Variants in RUVBL2 observed in about 807,000 individuals in gnomAD.
RUVBL2 encodes RuvB like AAA ATPase 2.
A neutral mutation model predicts 57.9 loss-of-function variants in RUVBL2; 9 were observed. The observed-to-expected ratio is 0.16, with a 90% CI of 0.09 to 0.27. The LOEUF is 0.27. Among genes scored for constraint, RUVBL2 ranks in the 10% least tolerant of loss-of-function variants. The probability of loss-of-function intolerance (pLI) is 1.00; values close to 1 mark genes in which losing one functional copy is unlikely to be tolerated. For missense variants in RUVBL2, 456 were observed against 669.6 expected, an observed-to-expected ratio of 0.68 and a Z score of 3.52; for synonymous variants, 278 against 264.6, an observed-to-expected ratio of 1.05 and a Z score of -0.49.
chr19:48,995,998 A>AAAAAG (rs1219154119), intron 1 of RUVBL2, among the ~76,000 whole-genome samples: 1 of 148,024 alleles, frequency 6.8e-6, no homozygotes, highest in Non-Finnish European at 1.5e-5. Flanking sequence ...AAAAAAAAAA[A>AAAAAG]AAAAGAAAAG....
intron 12 of RUVBL2, 137 bp from the exon 13 acceptor site, chr19:49,014,884 C>T (rs996780559): frequency 7.7e-7 from 1 of 1,292,428 alleles, no homozygotes; most frequent in Admixed American, 2.4e-5. Context: ...GCTCTTCTAG[C>T]CTCAGCATTC....
intron 4 of RUVBL2, among the ~76,000 whole-genome samples, 173 bp downstream of exon 4, chr19:49,004,591 T>C (rs1016200664): frequency 1.3e-5 from 2 of 152,168 alleles, no homozygotes; most frequent in African/African-American, 4.8e-5. Context: ...ATTTGGGGCT[T>C]ATTAAGCAGT....
intron 6 of RUVBL2, 22 bp from the exon 7 acceptor site, chr19:49,009,754 C>A: frequency 6.2e-7 from 1 of 1,606,380 alleles, no homozygotes; most frequent in Non-Finnish European, 8.5e-7. Context: ...GAGCCCCATC[C>A]CTGGCTTGTC....
At chr19:48,996,445 C>T (rs1326029919) in intron 1 of RUVBL2, among the ~76,000 whole-genome samples, 2 of 151,530 alleles carry the variant, frequency 1.3e-5, no homozygotes, top group African/African-American at 2.4e-5. Flanking sequence ...CCTGCCTCAG[C>T]CTCCTGAGTA....
intron 9 of RUVBL2, 39 bp downstream of exon 9, chr19:49,010,650 C>T (rs946198149): frequency 1.2e-6 from 2 of 1,608,166 alleles, no homozygotes; most frequent in South Asian, 1.1e-5. Context: ...TGCCCTGCCC[C>T]AGGCCTAGCA....
intron 4 of RUVBL2, among the ~76,000 whole-genome samples, chr19:49,004,946 A>G (rs1022507680): frequency 1.5e-4 from 23 of 151,906 alleles, no homozygotes; most frequent in African/African-American, 5.5e-4. Context: ...TCTGTTGGGC[A>G]AAAGGTTGTT....
chr19:49,009,710 C>A (rs1241796133), intron 6 of RUVBL2, 66 bp from the exon 7 acceptor site: 6 of 1,371,024 alleles, frequency 4.4e-6, no homozygotes, highest in Non-Finnish European at 5.2e-6. Context: ...CTTATCAACA[C>A]TGGGGGCACT....
chr19:49,014,163 G>A lies in RUVBL2; in HGVS notation c.1002-321G>A, dbSNP rs1303187039. Among the ~76,000 whole-genome samples, 6 of 152,214 alleles carry A rather than the reference G, an allele frequency of 3.9e-5. No individual in the cohort carries two copies. The East Asian group carries it at 7.7e-4, about 20-fold the overall frequency. The stretch of plus-strand genomic sequence containing the variant: ...GCCCTGGGCTGGCCCCGCTGCAGCA[G>A]GGAACAAGACAGGTGCAGTCCCCTC... On this transcript the variant is annotated intron_variant, in intron 11 of 14. Transcript: ENST00000595090.
At chr19:49,012,223 G>T (rs1350461699) in intron 11 of RUVBL2, among the ~76,000 whole-genome samples, 1 of 152,160 alleles carries the variant, frequency 6.6e-6, no homozygotes, top group Non-Finnish European at 1.5e-5. Flanking sequence ...ATCACAAAAG[G>T]GAAGAAGCGG....
chr19:48,993,769 A>C (rs1001221409), upstream of RUVBL2: 33 of 1,107,070 alleles, frequency 3.0e-5, no homozygotes, highest in African/African-American at 4.8e-4. Flanking sequence ...CGGGGCATAA[A>C]GTCCCGCCAC....
rs1306756894 is a variant in RUVBL2 at position 49,003,236 on chromosome 19, A to G, written c.68-43A>G. On this transcript the variant is annotated intron_variant, in intron 2 of 14. Transcript: ENST00000595090. ...AGAGGGGTCAGGCCACATGTGCAGC[A>G]AGCTGGCTAGTAACTGAGTCTTTGT... 2.0e-6 allele frequency: 3 copies of G among 1,533,000 alleles called. No individual in the cohort carries two copies. The Admixed American group carries it at 5.2e-5, about 27-fold the overall frequency. The allele number at this position is 1,533,000 out of a possible 1,614,324, so 95.0% of individuals were successfully genotyped here. A position where few individuals can be genotyped will look rare whatever the true frequency, so the allele number is the denominator to read the frequency against.
At chr19:49,013,480 T>A (rs1378801669) in intron 11 of RUVBL2, among the ~76,000 whole-genome samples, 2 of 152,072 alleles carry the variant, frequency 1.3e-5, no homozygotes, top group African/African-American at 2.4e-5. Flanking sequence ...GTATCCTAAG[T>A]GCAAGGAGGC....
intron 1 of RUVBL2, among the ~76,000 whole-genome samples, chr19:48,995,936 G>A (rs1184154635): frequency 2.0e-5 from 3 of 150,392 alleles, no homozygotes; most frequent in Non-Finnish European, 3.0e-5. Flanking sequence ...GCAGTGAGCC[G>A]AGATCGCGCC....
intron 13 of RUVBL2, chr19:49,015,353 T>A: frequency 1.4e-6 from 1 of 723,928 alleles, no homozygotes; most frequent in Non-Finnish European, 2.3e-6. Context: ...TAGATGCTGT[T>A]AGGTCCACCT....
chr19:49,002,960 T>C (rs2039213564), intron 2 of RUVBL2, among the ~76,000 whole-genome samples: 1 of 152,190 alleles, frequency 6.6e-6, no homozygotes, highest in Non-Finnish European at 1.5e-5. Context: ...ACCATAAACA[T>C]GAAGTAATTG....
chr19:48,997,161 A>G (rs892631558), intron 1 of RUVBL2, among the ~76,000 whole-genome samples: 1 of 152,032 alleles, frequency 6.6e-6, no homozygotes, highest in Non-Finnish European at 1.5e-5. Flanking sequence ...TAATCCTTCC[A>G]TACCTCCCAT....
chr19:48,993,559 G>A, upstream of RUVBL2: 3 of 468,194 alleles, frequency 6.4e-6, no homozygotes, highest in East Asian at 4.1e-5. Flanking sequence ...AGGCCTCAAA[G>A]TGGGGAGGAG....
At chr19:49,010,635 TG>T in intron 9 of RUVBL2, 24 bp downstream of exon 9, 1 of 1,612,062 alleles carries the variant, frequency 6.2e-7, no homozygotes, top group Non-Finnish European at 8.5e-7. Context: ...TGCCCTGCCC[TG>T]CCCTGCCCTG....
At chr19:48,995,505 G>C (rs573660866) in intron 1 of RUVBL2, among the ~76,000 whole-genome samples, 1 of 151,664 alleles carries the variant, frequency 6.6e-6, no homozygotes, top group Admixed American at 6.6e-5. Flanking sequence ...AGAGGGAGGA[G>C]GCTTCCTCTG....
Sources: gnomAD v4.1 joint callset for allele counts (sites outside exome capture counted in the v4.1 genomes callset) on GRCh38, gnomAD v4.1.1 for gene constraint, MANE v1.5 for transcripts, NCBI Gene and HGNC (gene_info 2026-07-23, HGNC 2026-07-21) for gene names.